Variants in ATP8A1 observed in about 807,000 individuals in gnomAD.
The protein encoded by ATP8A1 is ATPase phospholipid transporting 8A1.
Under a neutral mutation model 177.7 loss-of-function variants are expected in ATP8A1, and 90 were observed. The ratio of observed to expected loss-of-function variants is 0.51; its 90% CI spans 0.43 to 0.60. The LOEUF (loss-of-function observed/expected upper bound fraction) is 0.60, where lower values mean the gene tolerates loss of function less well. Ranked by LOEUF, ATP8A1 falls within the 20% of genes least tolerant of loss-of-function variation. The probability of loss-of-function intolerance (pLI) is 0.00; values close to 1 mark genes in which losing one functional copy is unlikely to be tolerated. For synonymous variants in ATP8A1, 493 were observed against 485.9 expected, an observed-to-expected ratio of 1.01 and a Z score of -0.19; for missense variants, 1,072 against 1,392.8, an observed-to-expected ratio of 0.77 and a Z score of 3.67.
intron 24 of ATP8A1, among the ~76,000 whole-genome samples, chr4:42,495,127 C>T (rs578232855): frequency 2.6e-5 from 4 of 152,318 alleles, no homozygotes; most frequent in South Asian, 2.1e-4. Context: ...TCATTTAAGA[C>T]GTGAGGTATT....
At chr4:42,583,318 T>C (rs968129650) in intron 9 of ATP8A1, among the ~76,000 whole-genome samples, 8 of 152,230 alleles carry the variant, frequency 5.3e-5, no homozygotes, top group Admixed American at 3.3e-4. Flanking sequence ...AGCATGCCTT[T>C]AGGACCTGTC....
chr4:42,430,667 C>T (rs1195506660), intron 33 of ATP8A1, among the ~76,000 whole-genome samples: 1 of 152,072 alleles, frequency 6.6e-6, no homozygotes, highest in Non-Finnish European at 1.5e-5. Flanking sequence ...GTGTGTTGCT[C>T]CCCTCTACGT....
intron 22 of ATP8A1, among the ~76,000 whole-genome samples, chr4:42,517,533 C>T (rs570326225): frequency 4.6e-5 from 7 of 152,226 alleles, no homozygotes; most frequent in Middle Eastern, 3.4e-3. Flanking sequence ...TGCAATTCTT[C>T]GCAAAGTGAG....
chr4:42,599,151 A>G (rs1368851105), intron 6 of ATP8A1, among the ~76,000 whole-genome samples: 1 of 152,204 alleles, frequency 6.6e-6, no homozygotes, highest in Non-Finnish European at 1.5e-5. Context: ...GTGAAGTAGT[A>G]CATTATTATC....
At chr4:42,596,329 A>T (rs759694465) in intron 6 of ATP8A1, among the ~76,000 whole-genome samples, 2 of 152,174 alleles carry the variant, frequency 1.3e-5, no homozygotes, top group Non-Finnish European at 2.9e-5. Flanking sequence ...AACATCAAGG[A>T]TTATGTAAAA....
At chr4:42,612,018 T>C (rs773294343) in intron 5 of ATP8A1, among the ~76,000 whole-genome samples, 43 of 152,230 alleles carry the variant, frequency 2.8e-4, no homozygotes, top group Non-Finnish European at 5.3e-4. Context: ...GTGCTTTGAG[T>C]AATGAAAGGG....
intron 33 of ATP8A1, among the ~76,000 whole-genome samples, chr4:42,425,688 G>T (rs1297275708): frequency 2.0e-5 from 3 of 151,670 alleles, no homozygotes; most frequent in African/African-American, 7.3e-5. Context: ...AGGCAGGTCA[G>T]CTGGGAAAAG....
chr4:42,503,324 A>G (rs1285483517), intron 24 of ATP8A1, 126 bp downstream of exon 24: 1 of 549,678 alleles, frequency 1.8e-6, no homozygotes, highest in African/African-American at 1.9e-5. Context: ...ATGTTAAAAC[A>G]GAACAACAGT....
In ATP8A1 at chr4:42,412,835, G is replaced by C; in HGVS notation, c.*81C>G. 1 of 1,168,052 alleles carries C rather than the reference G, an allele frequency of 8.6e-7. No individual in the cohort carries two copies. The highest frequency in any genetic ancestry group is 1.3e-6 in the Non-Finnish European group (1 of 790,144). 72.4% of individuals were successfully genotyped at this position (1,168,052 alleles called of 1,614,324 possible). A position where few individuals can be genotyped will look rare whatever the true frequency, so the allele number is the denominator to read the frequency against. ...ACCTTTCCTCTTCATGGACCAGACTGGAATTGGTTAGCAGACTGCGGTGAC... is the reference window on the plus strand; with the variant it reads ...ACCTTTCCTCTTCATGGACCAGACTCGAATTGGTTAGCAGACTGCGGTGAC... On this transcript the variant is annotated 3_prime_UTR_variant, in exon 37 of 37. Transcript: ENST00000381668.
chr4:42,457,606 T>C (rs1435489108), intron 27 of ATP8A1, among the ~76,000 whole-genome samples: 1 of 152,236 alleles, frequency 6.6e-6, no homozygotes, highest in Non-Finnish European at 1.5e-5. Flanking sequence ...TCTAAATGCA[T>C]TTGCAATCAT....
intron 30 of ATP8A1, among the ~76,000 whole-genome samples, chr4:42,447,905 A>C (rs1165777493): frequency 1.3e-5 from 2 of 152,204 alleles, no homozygotes; most frequent in South Asian, 4.1e-4. Context: ...AAGCAGTATC[A>C]GGGCAAGGCA....
At chr4:42,529,223 G>C (rs1157250252) in intron 20 of ATP8A1, among the ~76,000 whole-genome samples, 1 of 152,164 alleles carries the variant, frequency 6.6e-6, no homozygotes, top group South Asian at 2.1e-4. Context: ...GGCAGACGGG[G>C]ATGCTGTTTG....
chr4:42,513,516 G>A (rs1042323107), intron 22 of ATP8A1, among the ~76,000 whole-genome samples: 2 of 152,088 alleles, frequency 1.3e-5, no homozygotes, highest in Non-Finnish European at 2.9e-5. Flanking sequence ...CCAAGAAATG[G>A]GGAGAGGTGG....
At chr4:42,585,091 G>C (rs1236418539) in intron 9 of ATP8A1, among the ~76,000 whole-genome samples, 1 of 151,964 alleles carries the variant, frequency 6.6e-6, no homozygotes, top group Non-Finnish European at 1.5e-5. Context: ...AATTTACACT[G>C]ACTACTCCTT....
At position 42,563,720 on chromosome 4, in the gene ATP8A1, G is replaced by T. The variant is rs552428058; in HGVS notation, c.1340+5441C>A. On this transcript the variant is annotated intron_variant, in intron 15 of 36. Coordinates refer to ENST00000381668, the MANE Select transcript of ATP8A1 (RefSeq NM_006095.2). ...GGCCACTCCAGCCATAACTAAAAGA[G>T]GCTAGTGCTTCAGAGGGTGGAAGCC... Among the ~76,000 whole-genome samples, 102 of 152,278 alleles carry T rather than the reference G, an allele frequency of 6.7e-4. 1 individual carries two copies. In the South Asian group the frequency reaches 7.9e-3, roughly 12 times the overall value.
chr4:42,446,617 G>T lies in ATP8A1; in HGVS notation c.2924C>A (p.Ser975Ter). 1 of 1,613,972 alleles carries T rather than the reference G, an allele frequency of 6.2e-7. No individual in the cohort carries two copies. Among genetic ancestry groups the T allele is most frequent in the East Asian group, 2.2e-5 (1 of 44,862 alleles). Residue 975 changes from serine (S) to a stop codon, truncating the protein, a stop_gained, in exon 31 of 37, where the codon TCG (serine) becomes TAG (stop). Coordinates refer to ENST00000381668, the MANE Select transcript of ATP8A1 (RefSeq NM_006095.2). LOFTEE classifies it high-confidence loss of function. ...AAAGTTTCCCAGTAGCAGATAATCC[G>T]AGGTTTTCCCATTTCCAAATGCAGT... ...YGTAFGNGKT[S>*]DYLLLGNFVY... is the part of the protein sequence containing the mutation.
chr4:42,475,989 G>A (rs1357121504), intron 25 of ATP8A1, among the ~76,000 whole-genome samples: 3 of 152,016 alleles, frequency 2.0e-5, no homozygotes, highest in Non-Finnish European at 4.4e-5. Flanking sequence ...GCAGTGAGCT[G>A]AGATCACACC....
chr4:42,408,838 T>G lies in ATP8A1; in HGVS notation c.*4078A>C, dbSNP rs1457203980. 5.3e-5 allele frequency: 8 copies of G among 152,218 alleles called. No individual in the cohort carries two copies. Among genetic ancestry groups the G allele is most frequent in the Non-Finnish European group, 8.8e-5 (6 of 68,022 alleles). 9.4% of individuals were successfully genotyped at this position (152,218 alleles called of 1,614,324 possible). On this transcript the variant is annotated 3_prime_UTR_variant, in exon 37 of 37. Transcript: ENST00000381668. ...TTAGAACCATGAAACATAAAAATAT[T>G]ATTTTTAACTATTCTGCTCACATCT...
chr4:42,494,162 C>CAG (rs1723013456), intron 24 of ATP8A1, among the ~76,000 whole-genome samples: 1 of 53,458 alleles, frequency 1.9e-5, no homozygotes, highest in African/African-American at 5.8e-5. Context: ...GATCATGCCA[C>CAG]AAAAAAAAAA....
Sources: gnomAD v4.1 joint callset for allele counts (sites outside exome capture counted in the v4.1 genomes callset) on GRCh38, gnomAD v4.1.1 for gene constraint, MANE v1.5 for transcripts, NCBI Gene and HGNC (gene_info 2026-07-23, HGNC 2026-07-21) for gene names.